The following COMMD1 variants were observed in gnomAD, a reference collection of about 807,000 sequenced individuals.
COMMD1 encodes the protein copper metabolism domain containing 1, also known as COMM domain-containing protein 1.
In COMMD1, 10 loss-of-function variants were observed where a neutral mutation model predicts 17.2. The ratio of observed to expected loss-of-function variants is 0.58; its 90% CI spans 0.36 to 0.99. The LOEUF (loss-of-function observed/expected upper bound fraction) is 0.99, where lower values mean the gene tolerates loss of function less well. Ranked by LOEUF, COMMD1 falls within the 50% of genes least tolerant of loss-of-function variation. The probability of loss-of-function intolerance (pLI) is 0.01; values close to 1 mark genes in which losing one functional copy is unlikely to be tolerated. For missense variants in COMMD1, 270 were observed against 231.8 expected (o/e 1.17, Z -1.07); for synonymous variants, 97 against 91.6 (o/e 1.06, Z -0.34).
chr2:62,074,184 G>A (rs553693347), intron 2 of COMMD1, among the ~76,000 whole-genome samples: 5 of 152,228 alleles, frequency 3.3e-5, no homozygotes, highest in South Asian at 2.1e-4. Context: ...TAACCAGGAA[G>A]CTCCATTGAG....
chr2:61,956,795 G>A (rs774673091), intron 1 of COMMD1, among the ~76,000 whole-genome samples: 7 of 152,010 alleles, frequency 4.6e-5, no homozygotes, highest in Non-Finnish European at 8.8e-5. Context: ...TCTGTCGCCA[G>A]GCTGGTATGC....
chr2:62,098,981 CTGATT>C (rs1440516050), intron 2 of COMMD1, among the ~76,000 whole-genome samples: 2 of 152,174 alleles, frequency 1.3e-5, no homozygotes, highest in Non-Finnish European at 1.5e-5. Flanking sequence ...GCCTTTAACT[CTGATT>C]TGGTCCAGGG....
chr2:62,133,660 G>A (rs533964337), intron 2 of COMMD1, among the ~76,000 whole-genome samples: 1 of 152,268 alleles, frequency 6.6e-6, no homozygotes, highest in African/African-American at 2.4e-5. Flanking sequence ...AGGAAGAAGG[G>A]TTTGGTCTTC....
chr2:61,983,924 G>A (rs985884577), intron 1 of COMMD1, among the ~76,000 whole-genome samples: 1 of 152,106 alleles, frequency 6.6e-6, no homozygotes, highest in Admixed American at 6.5e-5. Context: ...GCATCATTAT[G>A]TTGTTTATTT....
intron 1 of COMMD1, among the ~76,000 whole-genome samples, chr2:61,931,030 G>A (rs1202470943): frequency 1.3e-5 from 2 of 152,074 alleles, no homozygotes; most frequent in African/African-American, 4.8e-5. Flanking sequence ...AAGAAGGATA[G>A]GCTGGGTATG....
At chr2:61,896,181 GTC>G (rs1170999708) in intron 1 of COMMD1, among the ~76,000 whole-genome samples, 1 of 152,178 alleles carries the variant, frequency 6.6e-6, no homozygotes, top group Admixed American at 6.5e-5. Flanking sequence ...GAATATCTTT[GTC>G]CACTCCAAAA....
intron 1 of COMMD1, among the ~76,000 whole-genome samples, chr2:61,978,928 C>T (rs1671876692): frequency 6.6e-6 from 1 of 152,128 alleles, no homozygotes; most frequent in Non-Finnish European, 1.5e-5. Context: ...AATGGGATAT[C>T]CATCACCTCA....
rs1055732900 is a variant in COMMD1 at position 61,912,744 on chromosome 2, A to C, written c.180+6886A>C. ...GCAAGACTCCATCTCAAAAAAAAAA[A>C]AAAAACAGTTTTATTGTAACATGAC... is the stretch of plus-strand genomic sequence containing the variant. On this transcript the variant is annotated intron_variant, in intron 1 of 2. Transcript: ENST00000311832. Among the ~76,000 whole-genome samples the C allele has an allele frequency of 9.9e-5, 15 of 152,224 alleles. 3 individuals are homozygous for C. Among genetic ancestry groups the C allele is most frequent in the East Asian group, 5.8e-4 (3 of 5,172 alleles).
At chr2:62,002,173 GA>G (rs1488706522) in intron 2 of COMMD1, among the ~76,000 whole-genome samples, 2 of 148,336 alleles carry the variant, frequency 1.3e-5, no homozygotes, top group East Asian at 2.0e-4. Context: ...TCTGTCTCAA[GA>G]AAAAAATTTT....
intron 1 of COMMD1, among the ~76,000 whole-genome samples, chr2:61,915,024 G>T (rs1205544759): frequency 7.3e-6 from 1 of 137,734 alleles, no homozygotes; most frequent in African/African-American, 2.8e-5. Context: ...TTTTTTTTGA[G>T]ATGGACTTTT....
rs576181065 is a variant in COMMD1 at position 61,990,062 on chromosome 2, G to A, written c.181-10639G>A. Among the ~76,000 whole-genome samples, 20 of 152,298 alleles carry A rather than the reference G, an allele frequency of 1.3e-4. No homozygotes were observed. The East Asian group carries it at 3.5e-3, about 26-fold the overall frequency. The stretch of plus-strand genomic sequence containing the variant: ...AGAGGTGGTATCAACAAGGTAAGGC[G>A]ATAAAGGAATAGCAACTAAGATTTT... On this transcript the variant is annotated intron_variant, in intron 1 of 2. Coordinates refer to ENST00000311832, the MANE Select transcript of COMMD1 (RefSeq NM_152516.4).
chr2:61,962,896 C>T lies in COMMD1; in HGVS notation c.181-37805C>T, dbSNP rs1367587773. On this transcript the variant is annotated intron_variant, in intron 1 of 2. Transcript: ENST00000311832. ...TATAATTGGGCCGGGTGTGGTAGCT[C>T]ATGCCTGTGATCCCAGCACTTTGGG... 3.9e-5 allele frequency among the ~76,000 whole-genome samples: 6 copies of T among 152,204 alleles called. No individual in the cohort carries two copies. In the Middle Eastern group the frequency reaches 0.01, roughly 259 times the overall value.
At chr2:61,896,774 A>G (rs1669556297) in intron 1 of COMMD1, among the ~76,000 whole-genome samples, 2 of 152,116 alleles carry the variant, frequency 1.3e-5, no homozygotes, top group South Asian at 2.1e-4. Context: ...TGAAAGCAGA[A>G]GCAGAAGATA....
chr2:62,033,482 G>A (rs1361460120), intron 2 of COMMD1, among the ~76,000 whole-genome samples: 6 of 152,050 alleles, frequency 3.9e-5, no homozygotes, highest in Non-Finnish European at 5.9e-5. Context: ...AGTGGTTCAC[G>A]CCTGTAATCC....
At chr2:62,043,924 A>G (rs1670304987) in intron 2 of COMMD1, among the ~76,000 whole-genome samples, 1 of 152,172 alleles carries the variant, frequency 6.6e-6, no homozygotes, top group African/African-American at 2.4e-5. Flanking sequence ...ATAGTCCTGT[A>G]TCACTCACTG....
At chr2:61,892,675 C>T (rs1325115601) in intron 1 of COMMD1, among the ~76,000 whole-genome samples, 1 of 137,050 alleles carries the variant, frequency 7.3e-6, no homozygotes, top group African/African-American at 2.9e-5. Flanking sequence ...GCCTGGGCAA[C>T]AAGAGGGAAA....
At chr2:62,076,370 A>C (rs1671336731) in intron 2 of COMMD1, among the ~76,000 whole-genome samples, 1 of 152,242 alleles carries the variant, frequency 6.6e-6, no homozygotes, top group African/African-American at 2.4e-5. Flanking sequence ...GGGATGCATA[A>C]AAGAGGATGT....
At chr2:61,927,890 G>A (rs529387439) in intron 1 of COMMD1, among the ~76,000 whole-genome samples, 6 of 151,788 alleles carry the variant, frequency 4.0e-5, no homozygotes, top group Admixed American at 1.3e-4. Context: ...TCCGCCTCTC[G>A]AGTAGCTGGG....
intron 2 of COMMD1, among the ~76,000 whole-genome samples, chr2:62,021,742 A>G (rs1429060406): frequency 1.3e-5 from 2 of 152,254 alleles, no homozygotes; most frequent in African/African-American, 2.4e-5. Context: ...GGGCAAGTCT[A>G]TATAACTTTG....
Sources: gnomAD v4.1 joint callset for allele counts (sites outside exome capture counted in the v4.1 genomes callset) on GRCh38, gnomAD v4.1.1 for gene constraint, MANE v1.5 for transcripts, NCBI Gene and HGNC (gene_info 2026-07-23, HGNC 2026-07-21) for gene names.